Variants in RNF220 observed in about 807,000 individuals in gnomAD.
RNF220 encodes the protein ring finger protein 220, also known as E3 ubiquitin-protein ligase RNF220.
A neutral mutation model predicts 67.1 loss-of-function variants in RNF220; 7 were observed. The ratio of observed to expected loss-of-function variants is 0.10; its 90% CI spans 0.06 to 0.20. The LOEUF (loss-of-function observed/expected upper bound fraction) is 0.20. Ranked by LOEUF, RNF220 falls within the 10% of genes least tolerant of loss-of-function variation. RNF220 has a pLI of 1.00. For missense variants in RNF220, 565 were observed against 740.3 expected (o/e 0.76, Z 2.75); for synonymous variants, 270 against 283.2 (o/e 0.95, Z 0.47).
At chr1:44,418,661 A>T (rs1648866945) in intron 2 of RNF220, among the ~76,000 whole-genome samples, 1 of 151,590 alleles carries the variant, frequency 6.6e-6, no homozygotes, top group Non-Finnish European at 1.5e-5. Flanking sequence ...AAACACACAC[A>T]CATTGTATCC....
chr1:44,410,060 C>T (rs1224737600), intron 1 of RNF220, among the ~76,000 whole-genome samples: 2 of 151,842 alleles, frequency 1.3e-5, no homozygotes, highest in African/African-American at 4.8e-5. Flanking sequence ...TTGGAGTGTC[C>T]GGTGCTGTCA....
rs761766579 is a variant in RNF220, at chr1:44,412,607, A to G, written c.510A>G (p.Pro170=). 4.2e-5 allele frequency: 67 copies of G among 1,614,098 alleles called. No individual in the cohort carries two copies. Among genetic ancestry groups the G allele is most frequent in the Non-Finnish European group, 5.7e-5 (67 of 1,180,050 alleles). The change falls in exon 2 of 15, where the codon CCA becomes CCG. Residue 170 remains proline, a synonymous_variant. Transcript: ENST00000361799. The surrounding 1 kb of genome is among the most constrained non-coding windows in gnomAD (Gnocchi z 5.3). ...GKEYDFGTQL[P]SSSPGSLKVD... ...AATATGACTTTGGGACACAGCTGCC[A>G]TCTAGCTCCCCCGGTTCACTAAAGG... is the stretch of plus-strand genomic sequence containing the variant.
chr1:44,534,020 G>T lies in RNF220; in HGVS notation c.626-80145G>T, dbSNP rs141692805. Among the ~76,000 whole-genome samples the T allele has an allele frequency of 8.2e-3, 1,253 of 152,330 alleles. 13 individuals carry two copies. The highest frequency in any genetic ancestry group is 0.028 in the African/African-American group (1,169 of 41,560). Reference sequence around the variant, plus strand: ...AGACAGACTCTTGCTCTGTTGCCCAGGCTAGAGTGCAGTGGCACAATCTCA... The same window carrying T: ...AGACAGACTCTTGCTCTGTTGCCCATGCTAGAGTGCAGTGGCACAATCTCA... On this transcript the variant is annotated intron_variant, in intron 2 of 14. Transcript: ENST00000361799.
Position 44,636,050 on chromosome 1 carries a change from T to C in RNF220, c.1014T>C (p.Ala338=). Residue 338 remains alanine (A), a synonymous_variant, in exon 8 of 15, where the codon GCT becomes GCC. Transcript: ENST00000361799. Reference sequence around the variant, plus strand: ...CACAGAGGGAAGGCTCCTGCATGGCTGAGGATGATGCTGTGGACATCGAGC... The same window carrying C: ...CACAGAGGGAAGGCTCCTGCATGGCCGAGGATGATGCTGTGGACATCGAGC... ...DEGQREGSCM[A]EDDAVDIEHE... 6.2e-7 allele frequency: 1 copy of C among 1,614,186 alleles called. No individual in the cohort carries two copies. Among genetic ancestry groups the C allele is most frequent in the Non-Finnish European group, 8.5e-7 (1 of 1,180,034 alleles).
chr1:44,532,432 C>G (rs1452525742), intron 2 of RNF220, among the ~76,000 whole-genome samples: 1 of 152,092 alleles, frequency 6.6e-6, no homozygotes, highest in Non-Finnish European at 1.5e-5. Flanking sequence ...CACTATATAC[C>G]AGAGGTGGAC....
At chr1:44,620,288 T>C (rs1410275035) in intron 3 of RNF220, among the ~76,000 whole-genome samples, 1 of 152,242 alleles carries the variant, frequency 6.6e-6, no homozygotes, top group African/African-American at 2.4e-5. Context: ...TTCAATGAGA[T>C]AACACATGTT....
At chr1:44,603,793 G>A (rs1234622080) in intron 2 of RNF220, among the ~76,000 whole-genome samples, 1 of 152,060 alleles carries the variant, frequency 6.6e-6, no homozygotes, top group Non-Finnish European at 1.5e-5. Context: ...TGTGAGGGAG[G>A]CAGCTGGCCT....
intron 2 of RNF220, among the ~76,000 whole-genome samples, chr1:44,444,438 TTTTC>T (rs1224159072): frequency 2.0e-5 from 3 of 152,026 alleles, no homozygotes; most frequent in Non-Finnish European, 2.9e-5. Context: ...ATTTCCTTTC[TTTTC>T]TTTCTTTCTT....
chr1:44,514,683 A>AT (rs930133721), intron 2 of RNF220, among the ~76,000 whole-genome samples: 47 of 152,128 alleles, frequency 3.1e-4, no homozygotes, highest in Non-Finnish European at 7.4e-5. Context: ...TACTTTTTAG[A>AT]TTTTTTTAAA....
intron 2 of RNF220, among the ~76,000 whole-genome samples, chr1:44,482,920 C>CTTTTTTTTTTT (rs34268893): frequency 5.8e-5 from 4 of 69,120 alleles, no homozygotes; most frequent in Admixed American, 2.3e-4. Flanking sequence ...CACACCCAGC[C>CTTTTTTTTTTT]TTTTTTTTTT....
chr1:44,642,537 G>C (rs144522826), intron 8 of RNF220, among the ~76,000 whole-genome samples: 1 of 152,326 alleles, frequency 6.6e-6, no homozygotes, highest in Non-Finnish European at 1.5e-5. Context: ...GAGGTGCGGA[G>C]GCATGGGGGC....
At chr1:44,595,285 AC>A (rs1377509194) in intron 2 of RNF220, among the ~76,000 whole-genome samples, 5 of 151,732 alleles carry the variant, frequency 3.3e-5, no homozygotes, top group African/African-American at 4.8e-5. Flanking sequence ...CCTGCCTAAC[AC>A]CCCCTCCCAG....
chr1:44,501,556 A>C (rs1413681881), intron 2 of RNF220, among the ~76,000 whole-genome samples: 1 of 144,852 alleles, frequency 6.9e-6, no homozygotes, highest in Non-Finnish European at 1.5e-5. Context: ...GGGTGTGGGC[A>C]GAACTGGTCA....
At chr1:44,447,317 C>G (rs1450899318) in intron 2 of RNF220, among the ~76,000 whole-genome samples, 1 of 152,166 alleles carries the variant, frequency 6.6e-6, no homozygotes, top group Non-Finnish European at 1.5e-5. Context: ...AAAAAATAGG[C>G]ACCTACTTTA....
intron 2 of RNF220, among the ~76,000 whole-genome samples, chr1:44,580,215 A>G (rs1252300317): frequency 6.6e-6 from 1 of 152,096 alleles, no homozygotes; most frequent in African/African-American, 2.4e-5. Context: ...GCTATTACAT[A>G]ATGAAGCTGG....
chr1:44,644,826 G>A (rs1307473402), intron 9 of RNF220, 32 bp downstream of exon 9: 2 of 1,578,414 alleles, frequency 1.3e-6, no homozygotes, highest in Admixed American at 1.7e-5. Flanking sequence ...GGCTGGTGGG[G>A]CTGATAGGGC....
intron 2 of RNF220, among the ~76,000 whole-genome samples, chr1:44,584,973 A>G (rs1665591235): frequency 6.6e-6 from 1 of 152,216 alleles, no homozygotes; most frequent in South Asian, 2.1e-4. Context: ...TGCTGGGATT[A>G]CAGGCGTGAG....
intron 2 of RNF220, among the ~76,000 whole-genome samples, chr1:44,578,445 A>G (rs913376087): frequency 1.3e-5 from 2 of 152,150 alleles, no homozygotes; most frequent in African/African-American, 4.8e-5. Flanking sequence ...CAGTGGGATA[A>G]GTATTTCAAT....
At chr1:44,617,230 C>A (rs1023646274) in intron 3 of RNF220, among the ~76,000 whole-genome samples, 3 of 152,174 alleles carry the variant, frequency 2.0e-5, no homozygotes, top group Non-Finnish European at 4.4e-5. Context: ...GAAACGCTGG[C>A]GGCGACGGGT....
Sources: allele counts gnomAD v4.1 joint callset (sites outside exome capture counted in the v4.1 genomes callset), GRCh38; gene constraint gnomAD v4.1.1; non-coding constraint Gnocchi (gnomAD v3.1); transcripts MANE v1.5; gene names NCBI Gene and HGNC (gene_info 2026-07-23, HGNC 2026-07-21).